The following CSGALNACT1 variants were observed in gnomAD, a reference collection of about 807,000 sequenced individuals.
CSGALNACT1 encodes chondroitin sulfate N-acetylgalactosaminyltransferase 1.
A neutral mutation model predicts 51.0 loss-of-function variants in CSGALNACT1; 52 were observed. The observed-to-expected ratio is 1.02, with a 90% confidence interval of 0.82 to 1.29. CSGALNACT1 has a LOEUF of 1.29. Among genes scored for constraint, CSGALNACT1 ranks in the 50% most tolerant of loss-of-function variants. The pLI, the probability that CSGALNACT1 is intolerant of heterozygous loss-of-function variation, is 0.00. For missense variants in CSGALNACT1, 935 were observed against 679.2 expected, an observed-to-expected ratio of 1.38 and a Z score of -4.19; for synonymous variants, 341 against 254.4, an observed-to-expected ratio of 1.34 and a Z score of -3.24.
At chr8:19,555,011 G>T (rs2089354885) in intron 3 of CSGALNACT1, among the ~76,000 whole-genome samples, 1 of 151,122 alleles carries the variant, frequency 6.6e-6, no homozygotes, top group African/African-American at 2.4e-5. Flanking sequence ...ACGCCGAGCG[G>T]GGGTGAATCA....
At chr8:19,679,145 C>T (rs1382209048) in intron 1 of CSGALNACT1, among the ~76,000 whole-genome samples, 2 of 152,128 alleles carry the variant, frequency 1.3e-5, no homozygotes, top group Admixed American at 1.3e-4. Flanking sequence ...AAATTCAAGA[C>T]AGCAGCAAAG....
At chr8:19,661,040 G>A (rs1166068155) in intron 1 of CSGALNACT1, among the ~76,000 whole-genome samples, 2 of 151,866 alleles carry the variant, frequency 1.3e-5, no homozygotes, top group Admixed American at 6.6e-5. Context: ...ACCCTCCCAA[G>A]TAGCTGGGTC....
At chr8:19,658,551 T>G (rs894435709) in intron 1 of CSGALNACT1, among the ~76,000 whole-genome samples, 9 of 152,054 alleles carry the variant, frequency 5.9e-5, no homozygotes, top group African/African-American at 2.2e-4. Flanking sequence ...CTGGCCAACA[T>G]GGAGAAACCC....
chr8:19,599,516 G>GAAAGAAAGAAAGAA (rs2049892229), intron 2 of CSGALNACT1, among the ~76,000 whole-genome samples: 2 of 119,196 alleles, frequency 1.7e-5, no homozygotes, highest in African/African-American at 6.2e-5. Context: ...AAGAAAGAAA[G>GAAAGAAAGAAAGAA]AAAGAAAGAA....
At chr8:19,699,478 A>G (rs2061747970) in intron 1 of CSGALNACT1, among the ~76,000 whole-genome samples, 2 of 152,360 alleles carry the variant, frequency 1.3e-5, no homozygotes, top group South Asian at 4.1e-4. Flanking sequence ...AAATTTGGAA[A>G]CAAGCTATAA....
intron 2 of CSGALNACT1, chr8:19,591,418 T>C (rs2047790411): frequency 1.3e-5 from 2 of 152,322 alleles, no homozygotes; most frequent in South Asian, 4.1e-4. Flanking sequence ...TGAGACAAAA[T>C]ATAAGTATAC....
chr8:19,630,869 A>T (rs1564301211), intron 1 of CSGALNACT1, among the ~76,000 whole-genome samples: 1 of 151,978 alleles, frequency 6.6e-6, no homozygotes, highest in Non-Finnish European at 1.5e-5. Flanking sequence ...AACTATGGAG[A>T]TTTCCCAGAC....
chr8:19,580,193 G>A (rs1345079054), intron 3 of CSGALNACT1, among the ~76,000 whole-genome samples: 2 of 152,206 alleles, frequency 1.3e-5, no homozygotes, highest in African/African-American at 4.8e-5. Context: ...TTCCAATGCA[G>A]CCAGAATGTG....
chr8:19,606,627 C>T (rs1484768928), upstream of CSGALNACT1, among the ~76,000 whole-genome samples: 1 of 152,126 alleles, frequency 6.6e-6, no homozygotes, highest in South Asian at 2.1e-4. Flanking sequence ...GGTCTTAAGA[C>T]TACAGGATGC....
At chr8:19,709,605 G>C (rs1589633448) in intron 1 of CSGALNACT1, among the ~76,000 whole-genome samples, 2 of 152,232 alleles carry the variant, frequency 1.3e-5, no homozygotes, top group African/African-American at 4.8e-5. Flanking sequence ...AAAGCCCTTG[G>C]TGACTTCTGG....
chr8:19,518,083 T>A (rs2079914133), intron 3 of CSGALNACT1, among the ~76,000 whole-genome samples: 1 of 152,170 alleles, frequency 6.6e-6, no homozygotes, highest in Non-Finnish European at 1.5e-5. Context: ...TGCATGCTGT[T>A]AATTAACAAA....
exon 10 of CSGALNACT1, chr8:19,404,873 C>T (rs1331091921): frequency 2.4e-5 from 11 of 454,306 alleles, no homozygotes; most frequent in East Asian, 2.1e-4. Context: ...TGCTCCTCTT[C>T]GAAAATACTC....
At chr8:19,662,975 G>A (rs1388015779) in intron 1 of CSGALNACT1, among the ~76,000 whole-genome samples, 1 of 152,174 alleles carries the variant, frequency 6.6e-6, no homozygotes, top group Non-Finnish European at 1.5e-5. Flanking sequence ...CATCTGTAAT[G>A]ATGCAAGGAA....
At chr8:19,544,347 G>C (rs1345910994) in intron 3 of CSGALNACT1, among the ~76,000 whole-genome samples, 4 of 152,064 alleles carry the variant, frequency 2.6e-5, no homozygotes, top group Non-Finnish European at 4.4e-5. Context: ...TATCTATGTA[G>C]TTTAAAAGAC....
chr8:19,449,628 T>C (rs2062742331), intron 5 of CSGALNACT1, among the ~76,000 whole-genome samples: 1 of 152,146 alleles, frequency 6.6e-6, no homozygotes, highest in African/African-American at 2.4e-5. Flanking sequence ...AGAACTGCTA[T>C]AGAAAATTCA....
chr8:19,548,259 T>C (rs950275424), intron 3 of CSGALNACT1, among the ~76,000 whole-genome samples: 14 of 152,174 alleles, frequency 9.2e-5, no homozygotes, highest in African/African-American at 2.2e-4. Context: ...ATGCTTAATA[T>C]TGAAAATAAA....
At chr8:19,430,867 T>C (rs147631495) in intron 6 of CSGALNACT1, among the ~76,000 whole-genome samples, 73 of 152,288 alleles carry the variant, frequency 4.8e-4, no homozygotes, top group African/African-American at 1.7e-3. Flanking sequence ...TTCAAAGTTG[T>C]GTTGTAGTTT....
At chr8:19,511,354 A>G (rs1010988990) in intron 3 of CSGALNACT1, among the ~76,000 whole-genome samples, 2 of 152,218 alleles carry the variant, frequency 1.3e-5, no homozygotes, top group Non-Finnish European at 2.9e-5. Flanking sequence ...GGCACATACA[A>G]TCAGCTCTTT....
intron 1 of CSGALNACT1, among the ~76,000 whole-genome samples, chr8:19,676,700 G>A (rs1293993393): frequency 6.6e-6 from 1 of 151,906 alleles, no homozygotes; most frequent in Non-Finnish European, 1.5e-5. Flanking sequence ...TATAAATTAA[G>A]CAGCAGGAGG....
Sources: gnomAD v4.1 joint callset for allele counts (sites outside exome capture counted in the v4.1 genomes callset) on GRCh38, gnomAD v4.1.1 for gene constraint, MANE v1.5 for transcripts, NCBI Gene and HGNC (gene_info 2026-07-23, HGNC 2026-07-21) for gene names.